The following COL4A6 variants were observed in gnomAD, a reference collection of about 807,000 sequenced individuals.
COL4A6 encodes collagen type IV alpha 6 chain, also known as collagen alpha-6(IV) chain.
A neutral mutation model predicts 126.7 loss-of-function variants in COL4A6; 59 were observed. The ratio of observed to expected loss-of-function variants is 0.47; its 90% CI spans 0.38 to 0.58. The LOEUF (loss-of-function observed/expected upper bound fraction) is 0.58. Among genes scored for constraint, COL4A6 ranks in the 20% least tolerant of loss-of-function variants. The pLI is 0.00. For missense variants in COL4A6, 1,285 were observed against 1,337.3 expected (o/e 0.96, Z 0.61); for synonymous variants, 547 against 496.6 (o/e 1.10, Z -1.35).
At chrX:108,439,314 AT>A, upstream of COL4A6, 1 of 645,118 alleles carries the variant, frequency 1.6e-6, no homozygotes, top group East Asian at 3.8e-5. Flanking sequence ...TTATACGTAT[AT>A]AACACACATA....
intron 2 of COL4A6, among the ~76,000 whole-genome samples, chrX:108,426,329 C>T (rs917849541): frequency 1.8e-5 from 2 of 112,058 alleles, no homozygotes; most frequent in Non-Finnish European, 3.8e-5. Context: ...TCTGGGAAAG[C>T]TTGGTCTCTC....
At chrX:108,428,034 GA>G (rs922352477) in intron 2 of COL4A6, among the ~76,000 whole-genome samples, 2 of 111,630 alleles carry the variant, frequency 1.8e-5, no homozygotes, top group East Asian at 2.8e-4. Flanking sequence ...ATAAAGAGAT[GA>G]GGGGGACAAC....
chrX:108,159,280 C>A (rs745939154), intron 44 of COL4A6, among the ~76,000 whole-genome samples, 182 bp downstream of exon 44: 1 of 112,624 alleles, frequency 8.9e-6, no homozygotes, highest in Non-Finnish European at 1.9e-5. Context: ...TGTCTTTCCG[C>A]TACACCCATA....
At chrX:108,341,432 C>T (rs1235483999) in intron 2 of COL4A6, among the ~76,000 whole-genome samples, 2 of 110,592 alleles carry the variant, frequency 1.8e-5, no homozygotes, top group African/African-American at 3.3e-5. Context: ...GCAGTTTCCC[C>T]CATACTGTTC....
At chrX:108,344,779 A>G (rs2039669528) in intron 2 of COL4A6, among the ~76,000 whole-genome samples, 1 of 112,369 alleles carries the variant, frequency 8.9e-6, no homozygotes, top group Non-Finnish European at 1.9e-5. Context: ...TTCATAAATC[A>G]TGTCCTTATG....
At chrX:108,428,727 G>T (rs1223396138) in intron 2 of COL4A6, among the ~76,000 whole-genome samples, 2 of 111,063 alleles carry the variant, frequency 1.8e-5, no homozygotes, top group Non-Finnish European at 3.8e-5. Context: ...AGAGGAAAAT[G>T]TGACCAGGAT....
At position 108,287,480 on chromosome X, in the gene COL4A6, T is replaced by C. The variant is rs1390401437; in HGVS notation, c.144+23268A>G. On this transcript the variant is annotated intron_variant, in intron 3 of 44. Transcript: ENST00000334504. ...GTTTTAAAACTTTATTTGGCAGCTC[T>C]AGAGCAGCCTTGAGTTTAGGGCTAA... Among the ~76,000 whole-genome samples the C allele has an allele frequency of 4.5e-5, 5 of 112,158 alleles. No individual in the cohort carries two copies. In the South Asian group the frequency reaches 1.9e-3, roughly 42 times the overall value.
chrX:108,297,370 A>G (rs1342258433), intron 3 of COL4A6, among the ~76,000 whole-genome samples: 1 of 111,542 alleles, frequency 9.0e-6, no homozygotes, highest in East Asian at 2.8e-4. Context: ...CCTAATGCAG[A>G]GTTTCTTAAC....
intron 3 of COL4A6, among the ~76,000 whole-genome samples, chrX:108,237,606 C>T (rs984082709): frequency 4.5e-5 from 5 of 111,810 alleles, no homozygotes; most frequent in African/African-American, 1.6e-4. Context: ...GTCTCCCTTC[C>T]AAAATCACTT....
intron 3 of COL4A6, among the ~76,000 whole-genome samples, chrX:108,228,316 G>A (rs1281439297): frequency 8.9e-6 from 1 of 112,132 alleles, no homozygotes; most frequent in Non-Finnish European, 1.9e-5. Context: ...TTATAGTTAT[G>A]TTATCCCTTG....
At chrX:108,253,119 T>C (rs1057453028) in intron 3 of COL4A6, among the ~76,000 whole-genome samples, 13 of 111,595 alleles carry the variant, frequency 1.2e-4, no homozygotes, top group African/African-American at 4.2e-4. Context: ...TTAGCACTTC[T>C]TTTCAACATA....
intron 2 of COL4A6, among the ~76,000 whole-genome samples, chrX:108,334,153 C>T (rs922312113): frequency 1.1e-4 from 12 of 111,700 alleles, no homozygotes; most frequent in East Asian, 2.8e-4. Flanking sequence ...AATTATACTG[C>T]GAAGTCTCCT....
intron 2 of COL4A6, among the ~76,000 whole-genome samples, chrX:108,376,129 G>A (rs1205485694): frequency 9.0e-6 from 1 of 111,134 alleles, no homozygotes; most frequent in Non-Finnish European, 1.9e-5. Flanking sequence ...ATTACTCAAT[G>A]TTGGTTAAAT....
chrX:108,192,599 A>AAAATAGT lies in COL4A6; in HGVS notation c.1073-26_1073-20dup, dbSNP rs750012414. The AAAATAGT allele has an allele frequency of 9.9e-5, 107 of 1,084,915 alleles. No homozygotes were observed. The highest frequency in any genetic ancestry group is 7.3e-5 in the Non-Finnish European group (58 of 791,168). The allele number at this position is 1,084,915 out of a possible 1,213,427, so 89.4% of individuals were successfully genotyped here. On this transcript the variant is annotated intron_variant, in intron 17 of 44. Transcript: ENST00000334504. The stretch of plus-strand genomic sequence containing the variant: ...GGATTACCTGGCATTGTAATGAAAG[A>AAAATAGT]AAATAGTAAATAAAGACAGAGGAGG...
At chrX:108,256,319 G>A (rs60906459) in intron 3 of COL4A6, among the ~76,000 whole-genome samples, 5,394 of 111,282 alleles carry the variant, frequency 0.048, 277 homozygotes, top group African/African-American at 0.15. Context: ...GTGAATGATG[G>A]GCTTAAATGT....
chrX:108,424,816 G>T (rs760396701), intron 2 of COL4A6, among the ~76,000 whole-genome samples: 2 of 111,032 alleles, frequency 1.8e-5, no homozygotes, highest in Non-Finnish European at 3.8e-5. Flanking sequence ...CAGAGTTTGA[G>T]ACGAGCCTAC....
intron 3 of COL4A6, among the ~76,000 whole-genome samples, chrX:108,278,865 A>G (rs1237151433): frequency 4.5e-5 from 5 of 111,414 alleles, no homozygotes; most frequent in Middle Eastern, 9.2e-3. Flanking sequence ...AGAATTTTCA[A>G]TCCAGAATTT....
intron 2 of COL4A6, among the ~76,000 whole-genome samples, chrX:108,399,049 TC>T (rs1417051171): frequency 1.8e-5 from 2 of 111,342 alleles, no homozygotes; most frequent in Non-Finnish European, 3.8e-5. Context: ...GTATGGCCAG[TC>T]AAAGTCTTGG....
chrX:108,398,799 T>C (rs904950889), intron 2 of COL4A6, among the ~76,000 whole-genome samples: 4 of 111,491 alleles, frequency 3.6e-5, no homozygotes, highest in Non-Finnish European at 7.6e-5. Context: ...TGCTAGGAAC[T>C]TCTCACTTCT....
Sources: gnomAD v4.1 joint callset for allele counts (sites outside exome capture counted in the v4.1 genomes callset) on GRCh38, gnomAD v4.1.1 for gene constraint, MANE v1.5 for transcripts, NCBI Gene and HGNC (gene_info 2026-07-23, HGNC 2026-07-21) for gene names.